The following SATB1 variants were observed in gnomAD, a reference collection of about 807,000 sequenced individuals.
SATB1 encodes the protein DNA-binding protein SATB1.
A neutral mutation model predicts 86.9 loss-of-function variants in SATB1; 11 were observed. That is an observed-to-expected ratio of 0.13 (90% CI 0.08 to 0.21). The LOEUF is 0.21. Among genes scored for constraint, SATB1 ranks in the 10% least tolerant of loss-of-function variants. The probability of loss-of-function intolerance (pLI) is 1.00; values close to 1 mark genes in which losing one functional copy is unlikely to be tolerated. For missense variants in SATB1, 551 were observed against 937.6 expected, an observed-to-expected ratio of 0.59 and a Z score of 5.39; for synonymous variants, 357 against 357.2, an observed-to-expected ratio of 1.00 and a Z score of 0.01.
At chr3:18,355,325 C>T (rs1694576276) in intron 9 of SATB1, among the ~76,000 whole-genome samples, 1 of 151,944 alleles carries the variant, frequency 6.6e-6, no homozygotes, top group Non-Finnish European at 1.5e-5. Flanking sequence ...ATTTAAATAC[C>T]TTGGAATATT....
chr3:18,429,630 A>G (rs1487630324), upstream of SATB1, among the ~76,000 whole-genome samples: 1 of 152,208 alleles, frequency 6.6e-6, no homozygotes, highest in Non-Finnish European at 1.5e-5. This position sits in a 1 kb window ranked among gnomAD's most constrained non-coding sequence, Gnocchi z 4.1. Context: ...ACTTGGGGAA[A>G]GGAAGCTGCC....
intron 7 of SATB1, among the ~76,000 whole-genome samples, chr3:18,391,290 T>C (rs1406653673): frequency 6.6e-6 from 1 of 152,238 alleles, no homozygotes; most frequent in Non-Finnish European, 1.5e-5. Context: ...TTTTCTATCA[T>C]ATTAAGGTCT....
chr3:18,399,293 A>G (rs1162039812), intron 5 of SATB1, among the ~76,000 whole-genome samples: 2 of 152,174 alleles, frequency 1.3e-5, no homozygotes, highest in East Asian at 3.9e-4. Context: ...GGATGCAAAG[A>G]TGGCAGACAG....
chr3:18,380,566 A>C (rs1041907618), intron 8 of SATB1, among the ~76,000 whole-genome samples: 2 of 152,244 alleles, frequency 1.3e-5, no homozygotes, highest in East Asian at 3.9e-4. Flanking sequence ...TTTTTTTTAA[A>C]AAAAGAATGT....
Position 18,348,583 on chromosome 3 carries a change from C to A in SATB1, c.*587G>T, listed in dbSNP as rs1277980762. 2 of 152,308 alleles carry A rather than the reference C, an allele frequency of 1.3e-5. No homozygotes were observed. The highest frequency in any genetic ancestry group is 2.9e-5 in the Non-Finnish European group (2 of 67,974). The allele number at this position is 152,308 out of a possible 1,614,324, so 9.4% of individuals were successfully genotyped here. ...TAACAATGAGAATGAAAAAAAAGTA[C>A]AGTGAACTTTTATTTCCAAAATAAA... On this transcript the variant is annotated 3_prime_UTR_variant, in exon 11 of 11. Coordinates refer to ENST00000338745, the MANE Select transcript of SATB1 (RefSeq NM_002971.6).
rs146722060 is a variant in SATB1, at chr3:18,438,601, C to T, written c.-144G>A. 2.0e-5 allele frequency: 3 copies of T among 152,332 alleles called. No individual in the cohort carries two copies. The East Asian group carries it at 5.8e-4, about 29-fold the overall frequency. 9.4% of individuals were successfully genotyped at this position (152,332 alleles called of 1,614,324 possible). The stretch of plus-strand genomic sequence containing the variant: ...CAGAAGCTGCTCTCTGAATCTAGCC[C>T]TACAGGAGATGTCTGAAAAAGTAGT... On this transcript the variant is annotated 5_prime_UTR_variant, in exon 1 of 4. Coordinates refer to the SATB1 transcript ENST00000414509.
intron 7 of SATB1, among the ~76,000 whole-genome samples, chr3:18,392,186 C>T (rs1237417398): frequency 6.6e-6 from 1 of 151,934 alleles, no homozygotes; most frequent in Non-Finnish European, 1.5e-5. Context: ...AGTTTTCATT[C>T]TCCTCTCACA....
rs1164358037 is a variant in SATB1, at chr3:18,369,785, C to T, written c.1575+8385G>A. On this transcript the variant is annotated intron_variant, in intron 9 of 10. Coordinates refer to ENST00000338745, the MANE Select transcript of SATB1 (RefSeq NM_002971.6). ...AATATTTCCAATGCAGCCACACTCG[C>T]ACTACATCTGGTTGTGCTGGTAGCG... 3.3e-5 allele frequency among the ~76,000 whole-genome samples: 5 copies of T among 152,272 alleles called. No individual in the cohort carries two copies. In the East Asian group the frequency reaches 9.6e-4, roughly 29 times the overall value.
chr3:18,360,129 G>C (rs1014852153), intron 9 of SATB1, among the ~76,000 whole-genome samples: 2 of 152,134 alleles, frequency 1.3e-5, no homozygotes, highest in African/African-American at 4.8e-5. Flanking sequence ...TCATCACACA[G>C]AGTTGATGTG....
intron 9 of SATB1, among the ~76,000 whole-genome samples, chr3:18,356,694 T>A (rs1416933457): frequency 6.6e-6 from 1 of 151,890 alleles, no homozygotes; most frequent in East Asian, 1.9e-4. Context: ...AATCTCTGAT[T>A]TCCACTCCAC....
Position 18,352,440 on chromosome 3 carries a change from T to C in SATB1, c.1576-245A>G, listed in dbSNP as rs547662922. 49 of 480,484 alleles carry C rather than the reference T, an allele frequency of 1.0e-4. No individual in the cohort carries two copies. The East Asian group carries it at 1.7e-3, about 16-fold the overall frequency. The allele number at this position is 480,484 out of a possible 1,614,324, so 29.8% of individuals were successfully genotyped here. A position where few individuals can be genotyped will look rare whatever the true frequency, so the allele number is the denominator to read the frequency against. On this transcript the variant is annotated intron_variant, in intron 9 of 10. Transcript: ENST00000338745. The surrounding 1 kb of genome is among the most constrained non-coding windows in gnomAD (Gnocchi z 4.1). The stretch of plus-strand genomic sequence containing the variant: ...AGGAGGGACATATTTTTTCAGACTC[T>C]GAGGGTAACAGAGCATTTATCACAG...
intron 4 of SATB1, 78 bp from the exon 5 acceptor site, chr3:18,415,312 A>C: frequency 1.3e-6 from 2 of 1,551,310 alleles, no homozygotes; most frequent in Non-Finnish European, 1.8e-6. Flanking sequence ...AGACAGACAG[A>C]TTTCATTTTG....
intron 5 of SATB1, chr3:18,408,836 T>G (rs911348149): frequency 6.6e-6 from 1 of 152,022 alleles, no homozygotes; most frequent in Non-Finnish European, 1.5e-5. Flanking sequence ...CTAAAACTAG[T>G]TCTGTTTTAG....
At chr3:18,353,009 T>G (rs1694450909) in intron 9 of SATB1, 1 of 152,100 alleles carries the variant, frequency 6.6e-6, no homozygotes, top group Non-Finnish European at 1.5e-5. Flanking sequence ...TCATCTCGAG[T>G]CTTCACCTTG....
intron 2 of SATB1, among the ~76,000 whole-genome samples, chr3:18,418,527 TG>T (rs1698230919): frequency 6.6e-6 from 1 of 152,182 alleles, no homozygotes; most frequent in South Asian, 2.1e-4. Flanking sequence ...CCAATATTTT[TG>T]TCATTCATTC....
chr3:18,421,212 A>C, intron 1 of SATB1: 1 of 361,374 alleles, frequency 2.8e-6, no homozygotes. Context: ...GTACCAATAC[A>C]CATGAATAAA....
Position 18,359,918 on chromosome 3 carries a change from A to G in SATB1, c.1576-7723T>C, listed in dbSNP as rs192455499. 1.3e-3 allele frequency among the ~76,000 whole-genome samples: 202 copies of G among 152,060 alleles called. 2 individuals carry two copies. Among genetic ancestry groups the G allele is most frequent in the Non-Finnish European group, 2.1e-3 (142 of 67,950 alleles). Reference sequence around the variant, plus strand: ...ATCCACTCCTTTCCATTCTACCACTATTGACTTGTCAGAACTGGAGCACCT... The same window carrying G: ...ATCCACTCCTTTCCATTCTACCACTGTTGACTTGTCAGAACTGGAGCACCT... On this transcript the variant is annotated intron_variant, in intron 9 of 10. Transcript: ENST00000338745.
At chr3:18,404,768 C>T (rs1269980591) in intron 5 of SATB1, among the ~76,000 whole-genome samples, 1 of 151,594 alleles carries the variant, frequency 6.6e-6, no homozygotes, top group African/African-American at 2.4e-5. Flanking sequence ...AAGTACCTAG[C>T]CAGACCTTTC....
In SATB1 at chr3:18,378,342, A is replaced by G; in HGVS notation, c.1420-17T>C. 6.2e-7 allele frequency: 1 copy of G among 1,609,548 alleles called. No homozygotes were observed. On this transcript the variant is annotated splice_polypyrimidine_tract_variant and intron_variant, in intron 8 of 10. Coordinates refer to ENST00000338745, the MANE Select transcript of SATB1 (RefSeq NM_002971.6). ...TGTTTTCACCTACAAAACATTTTGA[A>G]CATGGCTGTCATTTTTCATTGGCTG...
Sources: gnomAD v4.1 joint callset for allele counts (sites outside exome capture counted in the v4.1 genomes callset) on GRCh38, gnomAD v4.1.1 for gene constraint, Gnocchi (gnomAD v3.1) non-coding constraint, MANE v1.5 for transcripts, NCBI Gene and HGNC (gene_info 2026-07-23, HGNC 2026-07-21) for gene names.